CACNB2: variants seen among roughly 807,000 people sequenced by gnomAD.
The protein encoded by CACNB2 is calcium voltage-gated channel auxiliary subunit beta 2, also known as voltage-dependent L-type calcium channel subunit beta-2.
A neutral mutation model predicts 73.3 loss-of-function variants in CACNB2; 42 were observed. The ratio of observed to expected loss-of-function variants is 0.57; its 90% confidence interval spans 0.45 to 0.74. The LOEUF is 0.74. Ranked by LOEUF, CACNB2 falls within the 30% of genes least tolerant of loss-of-function variation. CACNB2 has a pLI of 0.00. For missense variants in CACNB2, 940 were observed against 853.0 expected (o/e 1.10, Z -1.27); for synonymous variants, 348 against 310.3 (o/e 1.12, Z -1.28).
At chr10:18,534,319 CT>C in intron 11 of CACNB2, 92 bp downstream of exon 11, 1 of 1,086,646 alleles carries the variant, frequency 9.2e-7, no homozygotes. Context: ...TTGTAATAGC[CT>C]TTATGATGTA....
chr10:18,513,771 C>A, intron 6 of CACNB2: 1 of 231,176 alleles, frequency 4.3e-6, no homozygotes, highest in Non-Finnish European at 8.6e-6. Context: ...GAATGTATTC[C>A]AATATCAAAT....
intron 3 of CACNB2, among the ~76,000 whole-genome samples, chr10:18,493,607 C>T (rs759810435): frequency 6.6e-6 from 1 of 152,144 alleles, no homozygotes; most frequent in Non-Finnish European, 1.5e-5. Flanking sequence ...AATCCCGTTA[C>T]CTTAAAGAAT....
chr10:18,244,886 G>A (rs1236512966), intron 2 of CACNB2, among the ~76,000 whole-genome samples: 1 of 152,210 alleles, frequency 6.6e-6, no homozygotes, highest in Non-Finnish European at 1.5e-5. Context: ...GGGTTCTTTT[G>A]AGTAGAAGAG....
At chr10:18,291,427 T>C (rs2039064636) in intron 2 of CACNB2, among the ~76,000 whole-genome samples, 1 of 152,208 alleles carries the variant, frequency 6.6e-6, no homozygotes, top group Non-Finnish European at 1.5e-5. Flanking sequence ...GAAGTTTTAA[T>C]TTTTTCAAGG....
intron 2 of CACNB2, among the ~76,000 whole-genome samples, chr10:18,372,703 A>C (rs1199127877): frequency 1.3e-5 from 2 of 152,018 alleles, no homozygotes; most frequent in Non-Finnish European, 2.9e-5. Flanking sequence ...CACTGTGCCT[A>C]GCGCTGTTTT....
intron 2 of CACNB2, among the ~76,000 whole-genome samples, chr10:18,358,804 C>T (rs781660382): frequency 1.3e-5 from 2 of 152,096 alleles, no homozygotes; most frequent in Non-Finnish European, 2.9e-5. Context: ...AAAATGAGAG[C>T]CTGAAAATAA....
At chr10:18,289,507 GA>G (rs1423107175) in intron 2 of CACNB2, among the ~76,000 whole-genome samples, 1 of 151,846 alleles carries the variant, frequency 6.6e-6, no homozygotes, top group African/African-American at 2.4e-5. Context: ...AGTTAGCCAG[GA>G]TGGTCTTAAT....
At chr10:18,225,981 G>T (rs1179302420) in intron 2 of CACNB2, among the ~76,000 whole-genome samples, 3 of 151,892 alleles carry the variant, frequency 2.0e-5, no homozygotes, top group Non-Finnish European at 4.4e-5. Context: ...TGGAGGGCAG[G>T]CTAGCATGAT....
intron 3 of CACNB2, among the ~76,000 whole-genome samples, chr10:18,428,438 G>C (rs973798153): frequency 6.6e-6 from 1 of 152,114 alleles, no homozygotes; most frequent in Non-Finnish European, 1.5e-5. Flanking sequence ...TGTAATCCCA[G>C]CACTTTGGGA....
chr10:18,302,500 G>T (rs1388705057), intron 2 of CACNB2, among the ~76,000 whole-genome samples: 2 of 152,148 alleles, frequency 1.3e-5, no homozygotes, highest in Non-Finnish European at 2.9e-5. Flanking sequence ...TGTACGCAAT[G>T]GAATACTACT....
At chr10:18,262,098 C>G in intron 2 of CACNB2, 2 of 497,690 alleles carry the variant, frequency 4.0e-6, no homozygotes, top group East Asian at 1.1e-4. Context: ...GCTGGGCAAA[C>G]TGCAGTGCTG....
chr10:18,381,618 G>GT (rs1214939582), intron 2 of CACNB2, among the ~76,000 whole-genome samples: 8 of 151,478 alleles, frequency 5.3e-5, no homozygotes, highest in Admixed American at 2.6e-4. Context: ...AACCTGGGAG[G>GT]TGGAGGTTGC....
At chr10:18,289,357 T>C (rs887085329) in intron 2 of CACNB2, among the ~76,000 whole-genome samples, 13 of 145,590 alleles carry the variant, frequency 8.9e-5, no homozygotes, top group Admixed American at 2.8e-4. Context: ...TGCAGTGGCG[T>C]GATCTCGGCT....
In CACNB2 at chr10:18,140,833, G is replaced by T. The variant is rs2030301853; in HGVS notation, c.97G>T (p.Gly33Trp). ...ACTGCTAGAGAACGTGGCTCCCGCG[G>T]GGGCGCTCGGAGCCGCCGCACAGGT... is the stretch of plus-strand genomic sequence containing the variant. The part of the protein sequence containing the change: ...MELLENVAPA[G>W]ALGAAAQSYG... Residue 33 changes from glycine to tryptophan, a missense_variant, in exon 1 of 14, where the codon GGG becomes TGG. Transcript: ENST00000324631. The T allele has an allele frequency of 1.9e-6, 3 of 1,603,178 alleles. No individual in the cohort carries two copies. Among genetic ancestry groups the T allele is most frequent in the African/African-American group, 2.7e-5 (2 of 74,874 alleles).
chr10:18,215,648 A>G (rs1032456887), intron 2 of CACNB2, among the ~76,000 whole-genome samples: 6 of 152,202 alleles, frequency 3.9e-5, no homozygotes, highest in African/African-American at 1.2e-4. Context: ...TCTGTGTCAG[A>G]TAATTTTTCT....
At chr10:18,332,412 C>T (rs756815581) in intron 2 of CACNB2, among the ~76,000 whole-genome samples, 7 of 152,070 alleles carry the variant, frequency 4.6e-5, no homozygotes, top group Non-Finnish European at 7.4e-5. Context: ...CTTTCGGGGA[C>T]ACAGAAAGAT....
chr10:18,261,444 C>T (rs1230617664), intron 2 of CACNB2: 10 of 1,294,242 alleles, frequency 7.7e-6, no homozygotes, highest in Non-Finnish European at 9.8e-6. Context: ...TCGATCATTT[C>T]GTACCATGAG....
At chr10:18,383,338 C>T (rs769667504) in intron 2 of CACNB2, among the ~76,000 whole-genome samples, 1 of 152,178 alleles carries the variant, frequency 6.6e-6, no homozygotes, top group Admixed American at 6.5e-5. Flanking sequence ...GAAGATGAAC[C>T]TGGCCACTGG....
intron 2 of CACNB2, among the ~76,000 whole-genome samples, chr10:18,385,735 T>C (rs1167453400): frequency 6.6e-6 from 1 of 151,898 alleles, no homozygotes; most frequent in Non-Finnish European, 1.5e-5. Context: ...TTTTTCTTTT[T>C]CTGATGCTTT....
Sources: allele counts gnomAD v4.1 joint callset (sites outside exome capture counted in the v4.1 genomes callset), GRCh38; gene constraint gnomAD v4.1.1; transcripts MANE v1.5; gene names NCBI Gene and HGNC (gene_info 2026-07-23, HGNC 2026-07-21).